The following COL14A1 variants were observed in gnomAD, a reference collection of about 807,000 sequenced individuals.
COL14A1 encodes collagen type XIV alpha 1 chain, also known as collagen alpha-1(XIV) chain.
In COL14A1, 136 loss-of-function variants were observed where a neutral mutation model predicts 230.3. The ratio of observed to expected loss-of-function variants is 0.59; its 90% CI spans 0.51 to 0.68. The LOEUF (loss-of-function observed/expected upper bound fraction) is 0.68. Ranked by LOEUF, COL14A1 falls within the 30% of genes least tolerant of loss-of-function variation. COL14A1 has a pLI of 0.00. For missense variants in COL14A1, 1,976 were observed against 2,215.8 expected, an observed-to-expected ratio of 0.89 and a Z score of 2.17; for synonymous variants, 792 against 784.1, an observed-to-expected ratio of 1.01 and a Z score of -0.17.
intron 1 of COL14A1, among the ~76,000 whole-genome samples, chr8:120,132,095 G>A (rs1269295501): frequency 6.6e-6 from 1 of 151,838 alleles, no homozygotes. Context: ...TGATCCACCC[G>A]CTTTGGCCTC....
At chr8:120,289,212 G>A (rs1211679113) in intron 33 of COL14A1, among the ~76,000 whole-genome samples, 2 of 152,136 alleles carry the variant, frequency 1.3e-5, no homozygotes, top group Non-Finnish European at 2.9e-5. Context: ...CACTCGTGGT[G>A]CTTTGGATGA....
At chr8:120,206,856 A>T (rs536713177) in intron 9 of COL14A1, 87 bp from the exon 10 acceptor site, 1 of 1,279,116 alleles carries the variant, frequency 7.8e-7, no homozygotes, top group Non-Finnish European at 1.1e-6. Flanking sequence ...CATAAAATCA[A>T]TATTTATTTC....
At chr8:120,349,652 T>C (rs1400468184) in intron 45 of COL14A1, among the ~76,000 whole-genome samples, 1 of 139,572 alleles carries the variant, frequency 7.2e-6, no homozygotes. Context: ...GAAGATGAAA[T>C]GAATGAAATG....
chr8:120,255,197 G>A (rs1819104481), intron 22 of COL14A1, 43 bp from the exon 23 acceptor site: 4 of 1,467,192 alleles, frequency 2.7e-6, no homozygotes, highest in South Asian at 2.3e-5. Flanking sequence ...ATGCTTGTGT[G>A]TTGTCTGCGG....
At chr8:120,333,834 G>C (rs1377470891) in intron 42 of COL14A1, among the ~76,000 whole-genome samples, 1 of 152,148 alleles carries the variant, frequency 6.6e-6, no homozygotes, top group African/African-American at 2.4e-5. Context: ...CAGCAATGTT[G>C]CATCTCTCTG....
chr8:120,256,638 A>T (rs1819159563), intron 23 of COL14A1, among the ~76,000 whole-genome samples: 1 of 152,188 alleles, frequency 6.6e-6, no homozygotes, highest in Non-Finnish European at 1.5e-5. Context: ...CATGGATTTT[A>T]TGGTTATGTT....
chr8:120,149,839 C>T (rs1815222183), intron 2 of COL14A1, among the ~76,000 whole-genome samples: 1 of 152,090 alleles, frequency 6.6e-6, no homozygotes, highest in African/African-American at 2.4e-5. Context: ...GGATTACAGG[C>T]ATGCGCCACC....
At chr8:120,187,994 T>G (rs976201705) in intron 5 of COL14A1, among the ~76,000 whole-genome samples, 6 of 152,160 alleles carry the variant, frequency 3.9e-5, no homozygotes, top group African/African-American at 1.4e-4. Flanking sequence ...ATGCCATCCT[T>G]TCTGACTGCA....
At chr8:120,322,853 G>A (rs1006304215) in intron 40 of COL14A1, among the ~76,000 whole-genome samples, 1 of 152,088 alleles carries the variant, frequency 6.6e-6, no homozygotes, top group African/African-American at 2.4e-5. Context: ...GTGCTGCAAT[G>A]AACCCACCCA....
chr8:120,228,273 A>G (rs1818157755), intron 17 of COL14A1, among the ~76,000 whole-genome samples: 1 of 152,212 alleles, frequency 6.6e-6, no homozygotes, highest in Non-Finnish European at 1.5e-5. Context: ...ATTCTGCTAT[A>G]TGCCCACGGT....
At chr8:120,158,325 A>G (rs754764826) in intron 3 of COL14A1, 79 bp downstream of exon 3, 3 of 820,242 alleles carry the variant, frequency 3.7e-6, no homozygotes, top group Admixed American at 2.1e-5. Flanking sequence ...AGTGCCAAGC[A>G]TTGTGTTAGG....
At chr8:120,224,810 A>G (rs1344085676) in intron 14 of COL14A1, among the ~76,000 whole-genome samples, 1 of 152,220 alleles carries the variant, frequency 6.6e-6, no homozygotes, top group Non-Finnish European at 1.5e-5. Flanking sequence ...AACTGGAAAC[A>G]TTATCTCTAT....
At chr8:120,168,375 T>A (rs1328880621) in intron 5 of COL14A1, 128 bp downstream of exon 5, 3 of 599,496 alleles carry the variant, frequency 5.0e-6, no homozygotes, top group Non-Finnish European at 8.9e-6. Flanking sequence ...GCCTGTGGCC[T>A]CTTTGTACTC....
intron 11 of COL14A1, 42 bp downstream of exon 11, chr8:120,208,403 C>G: frequency 6.3e-7 from 1 of 1,588,584 alleles, no homozygotes; most frequent in Non-Finnish European, 8.6e-7. Flanking sequence ...TTGTAGAGTG[C>G]TGCTTAGGAG....
chr8:120,235,041 G>A (rs1219542362), intron 19 of COL14A1, among the ~76,000 whole-genome samples: 1 of 152,068 alleles, frequency 6.6e-6, no homozygotes, highest in Non-Finnish European at 1.5e-5. Flanking sequence ...TTTAGTCTTG[G>A]GAGGGTGTAT....
At chr8:120,227,412 T>A in intron 17 of COL14A1, 60 bp downstream of exon 17, 16 of 1,583,508 alleles carry the variant, frequency 1.0e-5, no homozygotes, top group Non-Finnish European at 1.3e-5. Flanking sequence ...CTTTACCCCA[T>A]CAATTTCCTT....
chr8:120,247,672 A>G lies in COL14A1; in HGVS notation c.2539A>G (p.Ile847Val), dbSNP rs758915223. Reference sequence around the variant, plus strand: ...CGAGGAATGGTATAACCGGTTGCGCATTACGTGGGACCCCCCATCTTCCCC... The same window carrying G: ...CGAGGAATGGTATAACCGGTTGCGCGTTACGTGGGACCCCCCATCTTCCCC... Reference protein sequence around the residue: ...VSEEWYNRLRITWDPPSSPVK... With the variant: ...VSEEWYNRLRVTWDPPSSPVK... The change falls in exon 21 of 48, where the codon ATT becomes GTT. Residue 847 changes from isoleucine to valine, a missense_variant. By Grantham distance (29) the Ile-to-Val change is conservative. This residue lies in a region of COL14A1 where 1,791 missense variants were observed against 2,019.5 expected (regional missense o/e 0.89). Transcript: ENST00000297848. The G allele has an allele frequency of 2.5e-6, 4 of 1,614,166 alleles. No individual in the cohort carries two copies. In the East Asian group the frequency reaches 6.7e-5, roughly 27 times the overall value.
At chr8:120,243,436 G>A (rs923386393) in intron 19 of COL14A1, among the ~76,000 whole-genome samples, 1 of 152,194 alleles carries the variant, frequency 6.6e-6, no homozygotes, top group Non-Finnish European at 1.5e-5. Flanking sequence ...AGAAGAAAAT[G>A]CTGGGGTCTG....
Position 120,268,966 on chromosome 8 carries a change from A to G in COL14A1, c.3074-1069A>G, listed in dbSNP as rs577109677. Among the ~76,000 whole-genome samples, 10 of 151,904 alleles carry G rather than the reference A, an allele frequency of 6.6e-5. No individual in the cohort carries two copies. In the East Asian group the frequency reaches 1.9e-3, roughly 29 times the overall value. ...TCAAACCACAAATTTGTAAAATTTT[A>G]TAAATCGCAGAACTCAACCTTATCA... On this transcript the variant is annotated intron_variant, in intron 25 of 47. Coordinates refer to ENST00000297848, the MANE Select transcript of COL14A1 (RefSeq NM_021110.4).
Sources: allele counts gnomAD v4.1 joint callset (sites outside exome capture counted in the v4.1 genomes callset), GRCh38; gene constraint gnomAD v4.1.1; regional missense constraint gnomAD v4.1.1; transcripts MANE v1.5; gene names NCBI Gene and HGNC (gene_info 2026-07-23, HGNC 2026-07-21).